Variants in ATP8B3 observed in about 807,000 individuals in gnomAD.
ATP8B3 encodes the protein phospholipid-transporting ATPase IK.
A neutral mutation model predicts 140.9 loss-of-function variants in ATP8B3; 141 were observed. The ratio of observed to expected loss-of-function variants is 1.00; its 90% CI spans 0.87 to 1.15. The LOEUF (loss-of-function observed/expected upper bound fraction) is 1.15. Ranked by LOEUF, ATP8B3 falls within the 50% of genes most tolerant of loss-of-function variation. The probability of loss-of-function intolerance (pLI) is 0.00; values close to 1 mark genes in which losing one functional copy is unlikely to be tolerated. For missense variants in ATP8B3, 1,874 were observed against 1,740.6 expected (o/e 1.08, Z -1.36); for synonymous variants, 765 against 714.6 (o/e 1.07, Z -1.13).
At chr19:1,798,485 T>A (rs989140908) in intron 14 of ATP8B3, among the ~76,000 whole-genome samples, 1 of 152,060 alleles carries the variant, frequency 6.6e-6, no homozygotes, top group Non-Finnish European at 1.5e-5. Context: ...ACGCCTGTAA[T>A]CCCAGCACTT....
Position 1,794,175 on chromosome 19 carries a change from G to A in ATP8B3, c.2055+1700C>T, listed in dbSNP as rs534261317. Among the ~76,000 whole-genome samples the A allele has an allele frequency of 4.6e-5, 7 of 152,176 alleles. No homozygotes were observed. Among genetic ancestry groups the A allele is most frequent in the African/African-American group, 1.2e-4 (5 of 41,432 alleles). On this transcript the variant is annotated intron_variant, in intron 18 of 28. Transcript: ENST00000310127. The surrounding 1 kb of genome is among the most constrained non-coding windows in gnomAD (Gnocchi z 4.8). ...CCCAAAGTGCTGGGACCACAGGCAC[G>A]CGCCACCATGTCTGATTTCCCTTTT...
At position 1,796,206 on chromosome 19, in the gene ATP8B3, T is replaced by A; in HGVS notation, c.1813A>T (p.Asn605Tyr). The A allele has an allele frequency of 1.2e-6, 2 of 1,612,708 alleles. No homozygotes were observed. Among genetic ancestry groups the A allele is most frequent in the Non-Finnish European group, 1.7e-6 (2 of 1,179,834 alleles). ...DEGALVTAAR[N>Y]FGYVFLSRTQ... is the part of the protein sequence containing the mutation. ...CGGGACAGGAACACGTAGCCGAAGT[T>A]CCGGGCTGCGGTGACCAGCGCCCCC... Residue 605 changes from asparagine to tyrosine, a missense_variant, in exon 17 of 29, where the codon AAC (asparagine) becomes TAC (tyrosine). Physicochemically the swap from Asn to Tyr is moderately radical, Grantham distance 143 (BLOSUM62 -2). Around this residue, in one of 3 missense-constraint regions of ATP8B3, gnomAD observed 1,032 missense variants for 963.6 expected, o/e 1.07. Transcript: ENST00000310127.
rs1048802236 is a variant in ATP8B3 at position 1,789,938 on chromosome 19, C to G, written c.2430G>C (p.Glu810Asp). Residue 810 changes from glutamate (E) to aspartate (D), a missense_variant, in exon 22 of 29, where the codon GAG becomes GAC. Transcript: ENST00000310127. The part of the protein sequence containing the change: ...WENSNNLLTR[E>D]SLSQVKLALV... ...AGGCCAGCTTGACCTGCGACAGGGA[C>G]TCCCTGGTTAGAAGGTTGTTACTGT... 3 of 1,612,078 alleles carry G rather than the reference C, an allele frequency of 1.9e-6. No individual in the cohort carries two copies. Among genetic ancestry groups the G allele is most frequent in the Non-Finnish European group, 2.5e-6 (3 of 1,179,594 alleles).
rs376634768 is a variant in ATP8B3, at chr19:1,796,848, T to A, written c.1616A>T (p.Asp539Val). 1.2e-5 allele frequency: 19 copies of A among 1,612,174 alleles called. No homozygotes were observed. The African/African-American group carries it at 1.7e-4, about 15-fold the overall frequency. ...CGCATTGTGGAAGAGCAGCTTCCCGTCGGCGAACTTGTTCCAGAGGTAGGG... is the reference window on the plus strand; with the variant it reads ...CGCATTGTGGAAGAGCAGCTTCCCGACGGCGAACTTGTTCCAGAGGTAGGG... ...ENPYLWNKFA[D>V]GKLLFHNAAL... Residue 539 changes from aspartate to valine, a missense_variant, in exon 16 of 29, where the codon GAC becomes GTC. Transcript: ENST00000310127.
At chr19:1,809,453 C>G (rs1033882159) in intron 4 of ATP8B3, among the ~76,000 whole-genome samples, 190 bp downstream of exon 4, 2 of 151,522 alleles carry the variant, frequency 1.3e-5, no homozygotes, top group African/African-American at 4.9e-5. Flanking sequence ...TGCACTCCAG[C>G]CTGGGCAACA....
At position 1,784,839 on chromosome 19, in the gene ATP8B3, G is replaced by C; in HGVS notation, c.3640C>G (p.Leu1214Val). The C allele has an allele frequency of 6.2e-7, 1 of 1,608,258 alleles. No homozygotes were observed. Among genetic ancestry groups the C allele is most frequent in the Non-Finnish European group, 8.5e-7 (1 of 1,177,410 alleles). The change falls in exon 28 of 29, where the codon CTC (leucine) becomes GTC (valine). Residue 1214 changes from leucine (L) to valine (V), a missense_variant. Leu to Val is a conservative substitution (Grantham distance 32). Around this residue, in one of 3 missense-constraint regions of ATP8B3, gnomAD observed 840 missense variants for 760.9 expected, o/e 1.10. Transcript: ENST00000310127. ...CTCACCTTGGCACGTAGCTCCTTGA[G>C]GGCTGGGAAGATGACTCGGAGGGCC... ...VLALRVIFPALKELRAKEEKV... is the reference protein window; with the variant it reads ...VLALRVIFPAVKELRAKEEKV...
In ATP8B3 at chr19:1,811,275, G is replaced by A. The variant is rs147679863; in HGVS notation, c.248+214C>T. Among the ~76,000 whole-genome samples, 441 of 152,246 alleles carry A rather than the reference G, an allele frequency of 2.9e-3. 1 individual carries two copies. Among genetic ancestry groups the A allele is most frequent in the Non-Finnish European group, 4.2e-3 (284 of 68,008 alleles). On this transcript the variant is annotated intron_variant, in intron 2 of 28. Coordinates refer to ENST00000310127, the MANE Select transcript of ATP8B3 (RefSeq NM_138813.4). Reference sequence around the variant, plus strand: ...GGGGCGATGGAGGCAGACGGACATCGTCAGAAGATCCTGGAATCTTCTCCA... The same window carrying A: ...GGGGCGATGGAGGCAGACGGACATCATCAGAAGATCCTGGAATCTTCTCCA...
chr19:1,798,083 G>C (rs1182033053), intron 14 of ATP8B3, among the ~76,000 whole-genome samples: 12 of 152,040 alleles, frequency 7.9e-5, no homozygotes, highest in Non-Finnish European at 1.8e-4. Flanking sequence ...CAGTTCTCCT[G>C]CCTCAGCCTC....
intron 2 of ATP8B3, 34 bp from the exon 3 acceptor site, chr19:1,810,717 G>T (rs1441947938): frequency 6.2e-7 from 1 of 1,600,858 alleles, no homozygotes; most frequent in Non-Finnish European, 8.5e-7. Flanking sequence ...TCACAGCAGT[G>T]ACCCCAGCCC....
intron 11 of ATP8B3, 24 bp from the exon 12 acceptor site, chr19:1,802,068 C>T (rs1568650106): frequency 6.8e-7 from 1 of 1,463,150 alleles, no homozygotes; most frequent in South Asian, 1.2e-5. Flanking sequence ...TCCATCTATC[C>T]ACCCACCCAC....
chr19:1,795,353 C>T (rs1395929076), intron 18 of ATP8B3, among the ~76,000 whole-genome samples: 1 of 152,176 alleles, frequency 6.6e-6, no homozygotes, highest in Non-Finnish European at 1.5e-5. Context: ...GAGTTCAAGA[C>T]CAGCCTGGCC....
chr19:1,796,231 C>T lies in ATP8B3; in HGVS notation c.1788G>A (p.Glu596=). The change falls in exon 17 of 29, where the codon GAG becomes GAA. Residue 596 remains glutamate, a synonymous_variant. Transcript: ENST00000310127. The part of the protein sequence containing the change: ...QLLYQAASPD[E]GALVTAARNF... ...TCCGGGCTGCGGTGACCAGCGCCCC[C>T]TCGTCGGGGGAGGCCGCCTGGTACA... 6.2e-7 allele frequency: 1 copy of T among 1,612,422 alleles called. No homozygotes were observed.
chr19:1,799,176 T>C (rs556303561), intron 14 of ATP8B3: 2 of 150,800 alleles, frequency 1.3e-5, no homozygotes, highest in South Asian at 4.2e-4. Flanking sequence ...TTTAAAAGTT[T>C]GGCTAGGTGT....
chr19:1,796,050 G>A (rs751671533), intron 17 of ATP8B3, 27 bp downstream of exon 17: 6 of 1,611,912 alleles, frequency 3.7e-6, no homozygotes, highest in Middle Eastern at 1.7e-4. Context: ...ACCTTGGGGG[G>A]CCCAGGGCTT....
Position 1,807,705 on chromosome 19 carries a change from A to G in ATP8B3, c.517-439T>C, listed in dbSNP as rs1277080874. Among the ~76,000 whole-genome samples the G allele has an allele frequency of 6.6e-6, 1 of 152,142 alleles. No individual in the cohort carries two copies. Among genetic ancestry groups the G allele is most frequent in the East Asian group, 1.9e-4 (1 of 5,198 alleles). The stretch of plus-strand genomic sequence containing the variant: ...TTAATGCTGAATGACTCGATGGATG[A>G]AAGGAGAACCTCTCCATCCAGAACA... On this transcript the variant is annotated intron_variant, in intron 5 of 28. Transcript: ENST00000310127. This position sits in a 1 kb window ranked among gnomAD's most constrained non-coding sequence, Gnocchi z 5.9.
At chr19:1,784,336 A>G (rs1368168282) in intron 28 of ATP8B3, among the ~76,000 whole-genome samples, 1 of 151,964 alleles carries the variant, frequency 6.6e-6, no homozygotes, top group African/African-American at 2.4e-5. Flanking sequence ...CACCATAATG[A>G]GTCTCCATCT....
At chr19:1,802,825 C>T (rs2068897552) in intron 10 of ATP8B3, among the ~76,000 whole-genome samples, 180 bp from the exon 11 acceptor site, 1 of 152,180 alleles carries the variant, frequency 6.6e-6, no homozygotes, top group Non-Finnish European at 1.5e-5. Flanking sequence ...CACCTGGCCT[C>T]AGGGACTTTG....
rs1328244437 is a variant in ATP8B3, at chr19:1,788,993, C to T, written c.2973G>A (p.Val991=). 1.2e-6 allele frequency: 2 copies of T among 1,610,518 alleles called. No homozygotes were observed. Among genetic ancestry groups the T allele is most frequent in the East Asian group, 2.2e-5 (1 of 44,806 alleles). The change falls in exon 24 of 29, where the codon GTG becomes GTA. Residue 991 remains valine (V), a synonymous_variant. Transcript: ENST00000310127. ...AGTAGCGCAGGAACTTGCAGATCCG[C>T]ACGTAGGACCAGCGGCCGTGCACCA... The part of the protein sequence containing the change: ...LLLVHGRWSY[V]RICKFLRYFF...
rs555568253 is a variant in ATP8B3, at chr19:1,806,519, C to T, written c.677+109G>A. ...CCGGTTCCTGTCGGACTCAACCAGC[C>T]GGGAGATCAGGGAGCACGGAAGGTG... On this transcript the variant is annotated intron_variant, in intron 7 of 28. Transcript: ENST00000310127. This position sits in a 1 kb window ranked among gnomAD's most constrained non-coding sequence, Gnocchi z 5.6. 103 of 1,512,434 alleles carry T rather than the reference C, an allele frequency of 6.8e-5. No homozygotes were observed. The highest frequency in any genetic ancestry group is 1.8e-4 in the South Asian group (14 of 78,220). The allele number at this position is 1,512,434 out of a possible 1,614,324, so 93.7% of individuals were successfully genotyped here. A position where few individuals can be genotyped will look rare whatever the true frequency, so the allele number is the denominator to read the frequency against.
Sources: allele counts gnomAD v4.1 joint callset (sites outside exome capture counted in the v4.1 genomes callset), GRCh38; gene constraint gnomAD v4.1.1; regional missense constraint gnomAD v4.1.1; non-coding constraint Gnocchi (gnomAD v3.1); transcripts MANE v1.5; gene names NCBI Gene and HGNC (gene_info 2026-07-23, HGNC 2026-07-21).